PDE8B: variants seen among roughly 807,000 people sequenced by gnomAD.
PDE8B encodes phosphodiesterase 8B, also known as high affinity cAMP-specific and IBMX-insensitive 3',5'-cyclic phosphodiesterase 8B.
PDE8B carries 26 observed loss-of-function variants against 101.3 expected under a neutral mutation model. The ratio of observed to expected loss-of-function variants is 0.26; its 90% CI spans 0.19 to 0.36. PDE8B has a LOEUF of 0.36. PDE8B is among the 10% of genes least tolerant of loss of function. PDE8B has a pLI of 1.00. For missense variants in PDE8B, 810 were observed against 1,163.1 expected, an observed-to-expected ratio of 0.70 and a Z score of 4.42; for synonymous variants, 424 against 429.3, an observed-to-expected ratio of 0.99 and a Z score of 0.15.
intron 1 of PDE8B, among the ~76,000 whole-genome samples, chr5:77,274,477 A>G (rs1025376815): frequency 5.3e-5 from 8 of 152,212 alleles, no homozygotes; most frequent in Admixed American, 5.2e-4. Flanking sequence ...GTTATTGAGC[A>G]TCTGACATGT....
At chr5:77,200,230 T>C in the PDE8B span, among the ~76,000 whole-genome samples, 1 of 152,108 alleles carries the variant, frequency 6.6e-6, no homozygotes. Context: ...TCCATAGTTT[T>C]AAGTTGTAGA....
the PDE8B span, among the ~76,000 whole-genome samples, chr5:77,121,214 A>G: frequency 6.6e-6 from 1 of 152,132 alleles, no homozygotes; most frequent in African/African-American, 2.4e-5. Context: ...GGCTGCATTC[A>G]TCGGAAAACT....
At chr5:77,216,970 T>A (rs1228100263) in intron 1 of PDE8B, among the ~76,000 whole-genome samples, 3 of 152,216 alleles carry the variant, frequency 2.0e-5, no homozygotes, top group Non-Finnish European at 2.9e-5. Flanking sequence ...ATAGATAAAC[T>A]AAAATTGTGA....
chr5:77,252,514 G>A (rs1758262213), intron 1 of PDE8B, among the ~76,000 whole-genome samples: 1 of 152,032 alleles, frequency 6.6e-6, no homozygotes, highest in Admixed American at 6.6e-5. Flanking sequence ...GGGCACGTTG[G>A]TCCTAATTTC....
At chr5:77,178,345 G>C in the PDE8B span, among the ~76,000 whole-genome samples, 2 of 152,052 alleles carry the variant, frequency 1.3e-5, no homozygotes, top group African/African-American at 4.8e-5. Flanking sequence ...CCTTTAATCT[G>C]TTGGGTTGTT....
chr5:77,347,044 G>A (rs139816528), intron 7 of PDE8B, among the ~76,000 whole-genome samples: 99 of 152,234 alleles, frequency 6.5e-4, no homozygotes, highest in African/African-American at 1.9e-3. Flanking sequence ...ATCTGTGTCT[G>A]TCTATCCATC....
At chr5:77,308,418 C>G (rs866863037) in intron 1 of PDE8B, among the ~76,000 whole-genome samples, 1 of 152,088 alleles carries the variant, frequency 6.6e-6, no homozygotes. Flanking sequence ...GCAAAGGATG[C>G]AAAGGATGGT....
At chr5:77,209,904 C>T (rs1747884114), upstream of PDE8B, among the ~76,000 whole-genome samples, 1 of 152,238 alleles carries the variant, frequency 6.6e-6, no homozygotes, top group Admixed American at 6.5e-5. Flanking sequence ...GCCTCCCATC[C>T]CTTGGCACAA....
the PDE8B span, among the ~76,000 whole-genome samples, chr5:77,156,614 C>T: frequency 6.6e-6 from 1 of 152,132 alleles, no homozygotes; most frequent in Non-Finnish European, 1.5e-5. Context: ...TAGTAAGGAA[C>T]AGGCTTATAA....
At chr5:77,128,562 T>G in the PDE8B span, among the ~76,000 whole-genome samples, 1 of 152,186 alleles carries the variant, frequency 6.6e-6, no homozygotes, top group African/African-American at 2.4e-5. Context: ...AGATCCAGTG[T>G]CTGGGCTGAG....
the PDE8B span, among the ~76,000 whole-genome samples, chr5:77,101,681 T>A: frequency 6.6e-6 from 1 of 152,022 alleles, no homozygotes; most frequent in Non-Finnish European, 1.5e-5. Flanking sequence ...GTGGCAGGAA[T>A]GAGAGCTCAT....
intron 1 of PDE8B, chr5:77,290,712 G>A: frequency 6.7e-7 from 1 of 1,499,340 alleles, no homozygotes; most frequent in South Asian, 1.1e-5. Flanking sequence ...ACCTGGCCAT[G>A]CACTGATTGA....
At chr5:77,376,045 A>C (rs958425039) in intron 10 of PDE8B, among the ~76,000 whole-genome samples, 3 of 152,008 alleles carry the variant, frequency 2.0e-5, no homozygotes, top group African/African-American at 7.2e-5. Context: ...GGCATGTGCC[A>C]CCACGCCTGG....
At chr5:77,091,560 T>C in the PDE8B span, among the ~76,000 whole-genome samples, 1 of 152,092 alleles carries the variant, frequency 6.6e-6, no homozygotes, top group Non-Finnish European at 1.5e-5. Flanking sequence ...GAGAATTGCT[T>C]GAACCCGGAG....
rs553854691 is a variant in PDE8B, at chr5:77,211,496, C to T, written c.339+232C>T. Among the ~76,000 whole-genome samples the T allele has an allele frequency of 2.6e-4, 39 of 152,288 alleles. 1 individual carries two copies. In the South Asian group the frequency reaches 7.7e-3, roughly 30 times the overall value. On this transcript the variant is annotated intron_variant, in intron 1 of 21. Coordinates refer to ENST00000264917, the MANE Select transcript of PDE8B (RefSeq NM_003719.5). The surrounding 1 kb of genome is among the most constrained non-coding windows in gnomAD (Gnocchi z 4.1). ...AGCGTCCTTAGCTGGTCCTGGGGGA[C>T]TGGGCGGGGAAGGGAGCGCAGAAGG...
intron 1 of PDE8B, among the ~76,000 whole-genome samples, chr5:77,303,297 C>T (rs977122827): frequency 5.3e-5 from 8 of 152,010 alleles, no homozygotes. Context: ...CCCAGCACTT[C>T]GGGAGGCCAA....
the PDE8B span, among the ~76,000 whole-genome samples, chr5:77,110,417 G>A: frequency 7.4e-4 from 113 of 152,262 alleles, no homozygotes; most frequent in African/African-American, 2.6e-3. Flanking sequence ...TGAAAGGTTA[G>A]GAAAACTATG....
chr5:77,299,641 A>G (rs1769460148), intron 1 of PDE8B, among the ~76,000 whole-genome samples: 1 of 151,890 alleles, frequency 6.6e-6, no homozygotes, highest in Non-Finnish European at 1.5e-5. Flanking sequence ...CATGGTGTAT[A>G]TATGCCACAT....
chr5:77,219,053 A>G (rs1400970425), intron 1 of PDE8B, among the ~76,000 whole-genome samples: 1 of 152,166 alleles, frequency 6.6e-6, no homozygotes, highest in East Asian at 1.9e-4. Flanking sequence ...TTGCCAGTCC[A>G]AGGCCCAAGC....
Sources: allele counts gnomAD v4.1 joint callset (sites outside exome capture counted in the v4.1 genomes callset), GRCh38; gene constraint gnomAD v4.1.1; non-coding constraint Gnocchi (gnomAD v3.1); transcripts MANE v1.5; gene names NCBI Gene and HGNC (gene_info 2026-07-23, HGNC 2026-07-21).